DAB1: variants seen among roughly 807,000 people sequenced by gnomAD.
DAB1 encodes the protein disabled homolog 1.
DAB1 carries 15 observed loss-of-function variants against 64.6 expected under a neutral mutation model. That is an observed-to-expected ratio of 0.23 (90% CI 0.16 to 0.36). The LOEUF (loss-of-function observed/expected upper bound fraction) is 0.36. DAB1 is among the 10% of genes least tolerant of loss of function. DAB1 has a pLI of 1.00. For synonymous variants in DAB1, 235 were observed against 251.9 expected (o/e 0.93, Z 0.64); for missense variants, 596 against 706.7 (o/e 0.84, Z 1.78).
chr1:58,005,985 G>C (rs1315771307), intron 5 of DAB1, among the ~76,000 whole-genome samples: 1 of 152,114 alleles, frequency 6.6e-6, no homozygotes, highest in Non-Finnish European at 1.5e-5. Flanking sequence ...TGAAACCAAG[G>C]CTGTTTGGTT....
chr1:58,198,183 T>C (rs75380974), intron 4 of DAB1, among the ~76,000 whole-genome samples: 1,668 of 152,322 alleles, frequency 0.011, 31 homozygotes, highest in African/African-American at 0.038. Flanking sequence ...CCCAGCATCA[T>C]AGCAGCATAT....
At chr1:57,124,590 G>GGCATTTTTAATTTAAATATTT (rs1656964030) in intron 4 of DAB1, among the ~76,000 whole-genome samples, 1 of 152,186 alleles carries the variant, frequency 6.6e-6, no homozygotes, top group Non-Finnish European at 1.5e-5. Context: ...AGGCTTTAGA[G>GGCATTTTTAATTTAAATATTT]TTGCTGGCAT....
chr1:57,651,160 A>C (rs1330299095), intron 6 of DAB1, among the ~76,000 whole-genome samples: 2 of 152,160 alleles, frequency 1.3e-5, no homozygotes, highest in Non-Finnish European at 2.9e-5. Context: ...GTAAAACAAA[A>C]AAAAAAAGAT....
At chr1:58,000,472 T>C (rs535485372) in intron 5 of DAB1, among the ~76,000 whole-genome samples, 31 of 151,950 alleles carry the variant, frequency 2.0e-4, no homozygotes, top group Middle Eastern at 3.4e-3. Context: ...GAGCTCCAGC[T>C]CTGCTGTCTC....
intron 1 of DAB1, among the ~76,000 whole-genome samples, chr1:57,870,606 G>A (rs1197361174): frequency 6.6e-6 from 1 of 152,118 alleles, no homozygotes; most frequent in Non-Finnish European, 1.5e-5. Context: ...TTTATATTAT[G>A]CATATAAGAA....
intron 5 of DAB1, among the ~76,000 whole-genome samples, chr1:57,906,183 C>G (rs1052972060): frequency 3.3e-5 from 5 of 152,266 alleles, no homozygotes; most frequent in Non-Finnish European, 5.9e-5. Context: ...GCTGGAACCC[C>G]AGCAGCCATT....
intron 6 of DAB1, among the ~76,000 whole-genome samples, chr1:57,700,566 C>T (rs1003365043): frequency 3.9e-5 from 6 of 152,144 alleles, no homozygotes; most frequent in Non-Finnish European, 5.9e-5. Flanking sequence ...TCAGATGAAC[C>T]GAAGCCCCTT....
intron 6 of DAB1, among the ~76,000 whole-genome samples, chr1:57,688,196 G>C (rs1034356917): frequency 1.4e-4 from 21 of 151,882 alleles, no homozygotes; most frequent in Admixed American, 1.2e-3. Flanking sequence ...AGATTATATG[G>C]AATTTAAGGA....
chr1:58,298,669 T>A (rs1388340116), intron 4 of DAB1, among the ~76,000 whole-genome samples: 1 of 152,000 alleles, frequency 6.6e-6, no homozygotes, highest in Non-Finnish European at 1.5e-5. Context: ...GTGGGAAGAG[T>A]CCGAGGACTA....
At chr1:58,096,561 T>C (rs1039922551) in intron 5 of DAB1, among the ~76,000 whole-genome samples, 3 of 152,214 alleles carry the variant, frequency 2.0e-5, no homozygotes, top group African/African-American at 7.2e-5. Context: ...CAATGATACT[T>C]TGTTATTGCC....
At chr1:58,425,772 G>A (rs188405454) in intron 3 of DAB1, among the ~76,000 whole-genome samples, 1 of 151,924 alleles carries the variant, frequency 6.6e-6, no homozygotes, top group Non-Finnish European at 1.5e-5. Flanking sequence ...TCAAAGGCCT[G>A]GTCAACACAG....
chr1:57,154,617 A>C (rs747044603), intron 2 of DAB1, among the ~76,000 whole-genome samples: 9 of 152,228 alleles, frequency 5.9e-5, no homozygotes, highest in African/African-American at 2.2e-4. Context: ...AGGAACTTCC[A>C]AACTGTTCTC....
At chr1:57,114,490 A>C (rs1399320362) in intron 4 of DAB1, among the ~76,000 whole-genome samples, 2 of 152,206 alleles carry the variant, frequency 1.3e-5, no homozygotes, top group African/African-American at 4.8e-5. Context: ...AAAGCAGGAT[A>C]GTTAGGTCTG....
intron 5 of DAB1, among the ~76,000 whole-genome samples, chr1:57,997,214 A>G (rs546757728): frequency 1.3e-5 from 2 of 152,278 alleles, no homozygotes; most frequent in East Asian, 1.9e-4. Context: ...ATCTTTCTCT[A>G]TGAACACTCG....
At chr1:57,598,571 A>C (rs1375319447) in intron 7 of DAB1, among the ~76,000 whole-genome samples, 1 of 152,202 alleles carries the variant, frequency 6.6e-6, no homozygotes, top group Non-Finnish European at 1.5e-5. Flanking sequence ...TATAATCCAT[A>C]CTGGGCACTG....
At chr1:56,998,214 A>G (rs1365066067) in intron 14 of DAB1, 86 bp from the exon 15 acceptor site, 1 of 152,694 alleles carries the variant, frequency 6.5e-6, no homozygotes, top group African/African-American at 2.4e-5. Context: ...GTTTAGGATT[A>G]AAACAGAAAA....
chr1:57,852,395 T>A (rs1387085706), intron 1 of DAB1, among the ~76,000 whole-genome samples: 3 of 152,186 alleles, frequency 2.0e-5, no homozygotes, highest in African/African-American at 4.8e-5. Context: ...TCCTACATTC[T>A]AAACACTCAT....
intron 2 of DAB1, among the ~76,000 whole-genome samples, chr1:57,193,608 G>C (rs1406891248): frequency 6.6e-6 from 1 of 152,018 alleles, no homozygotes. Flanking sequence ...GGATGGTCTC[G>C]ATCTCCTGAC....
At chr1:57,725,181 C>T (rs143563328) in intron 6 of DAB1, among the ~76,000 whole-genome samples, 240 of 152,306 alleles carry the variant, frequency 1.6e-3, no homozygotes, top group African/African-American at 5.5e-3. Context: ...AATAATAACA[C>T]TATGAACCAT....
Sources: allele counts gnomAD v4.1 joint callset (sites outside exome capture counted in the v4.1 genomes callset), GRCh38; gene constraint gnomAD v4.1.1; transcripts MANE v1.5; gene names NCBI Gene and HGNC (gene_info 2026-07-23, HGNC 2026-07-21).